Variants in PTPRD observed in about 807,000 individuals in gnomAD.
The protein encoded by PTPRD is receptor-type tyrosine-protein phosphatase delta.
Under a neutral mutation model 214.5 loss-of-function variants are expected in PTPRD, and 34 were observed. The ratio of observed to expected loss-of-function variants is 0.16; its 90% CI spans 0.12 to 0.21. The LOEUF (loss-of-function observed/expected upper bound fraction) is 0.21, where lower values mean the gene tolerates loss of function less well. Ranked by LOEUF, PTPRD falls within the 10% of genes least tolerant of loss-of-function variation. The pLI, the probability that PTPRD is intolerant of heterozygous loss-of-function variation, is 1.00. For missense variants in PTPRD, 2,545 were observed against 2,398.7 expected (o/e 1.06, Z -1.27); for synonymous variants, 1,128 against 845.7 (o/e 1.33, Z -5.79).
chr9:9,195,086 G>GTA (rs540804635), intron 9 of PTPRD, among the ~76,000 whole-genome samples: 7,656 of 131,092 alleles, frequency 0.058, 379 homozygotes, highest in African/African-American at 0.12. Context: ...GTGTGTTTGT[G>GTA]TATATATATA....
chr9:10,358,628 T>C (rs1045111873), intron 2 of PTPRD, among the ~76,000 whole-genome samples: 2 of 151,978 alleles, frequency 1.3e-5, no homozygotes, highest in African/African-American at 4.8e-5. Flanking sequence ...AGATATCCTG[T>C]GTTTAATTTG....
At chr9:9,523,849 T>C (rs2097054571) in intron 8 of PTPRD, among the ~76,000 whole-genome samples, 1 of 152,182 alleles carries the variant, frequency 6.6e-6, no homozygotes, top group Admixed American at 6.6e-5. Flanking sequence ...TTAGCTACTT[T>C]TGCCGGCCCA....
At chr9:9,403,194 G>C (rs138329480) in intron 8 of PTPRD, among the ~76,000 whole-genome samples, 1 of 146,602 alleles carries the variant, frequency 6.8e-6, no homozygotes, top group Non-Finnish European at 1.5e-5. Context: ...GGGTGGCTGA[G>C]GCAGGAGAAT....
chr9:8,879,838 C>T (rs946130792), intron 11 of PTPRD, among the ~76,000 whole-genome samples: 2 of 152,104 alleles, frequency 1.3e-5, no homozygotes, highest in African/African-American at 4.8e-5. Context: ...TCATCCATTT[C>T]CTGAGACTGC....
intron 14 of PTPRD, among the ~76,000 whole-genome samples, chr9:8,579,409 G>C (rs1335898968): frequency 6.6e-6 from 1 of 152,164 alleles, no homozygotes; most frequent in Non-Finnish European, 1.5e-5. Flanking sequence ...ATCCTTATTA[G>C]TTTTAAATAC....
At chr9:9,171,631 T>C (rs2099918666) in intron 10 of PTPRD, among the ~76,000 whole-genome samples, 1 of 151,840 alleles carries the variant, frequency 6.6e-6, no homozygotes, top group African/African-American at 2.4e-5. Flanking sequence ...TAGAATTCTA[T>C]GGGCGTATTT....
At chr9:9,500,869 C>A (rs1245623143) in intron 8 of PTPRD, among the ~76,000 whole-genome samples, 4 of 151,872 alleles carry the variant, frequency 2.6e-5, no homozygotes, top group African/African-American at 9.7e-5. Flanking sequence ...ACGGATGATT[C>A]TAAATGGACT....
intron 11 of PTPRD, among the ~76,000 whole-genome samples, chr9:8,983,219 T>C (rs1266010416): frequency 6.6e-6 from 1 of 152,028 alleles, no homozygotes; most frequent in Non-Finnish European, 1.5e-5. Flanking sequence ...GTGAATGAAA[T>C]CAACCTTCTT....
intron 21 of PTPRD, among the ~76,000 whole-genome samples, chr9:8,509,841 G>T (rs921142998): frequency 3.3e-5 from 5 of 152,120 alleles, no homozygotes; most frequent in Non-Finnish European, 7.4e-5. Flanking sequence ...AGAGTACACT[G>T]TCCTTTTTAT....
intron 34 of PTPRD, among the ~76,000 whole-genome samples, chr9:8,438,527 G>C (rs986560970): frequency 3.4e-4 from 52 of 152,164 alleles, no homozygotes; most frequent in Non-Finnish European, 1.6e-4. Flanking sequence ...AAGTGTGAGG[G>C]TGACAGTGAT....
chr9:9,708,119 T>C (rs969514786), intron 7 of PTPRD, among the ~76,000 whole-genome samples: 7 of 152,080 alleles, frequency 4.6e-5, no homozygotes, highest in Admixed American at 6.6e-5. Flanking sequence ...GATTACTACG[T>C]TGATTTAGTT....
intron 11 of PTPRD, among the ~76,000 whole-genome samples, chr9:8,785,453 T>C (rs1348119988): frequency 6.6e-6 from 1 of 152,152 alleles, no homozygotes; most frequent in Non-Finnish European, 1.5e-5. Context: ...CAATACAAAA[T>C]CCTGAATATC....
chr9:9,846,237 A>G (rs1172931385), intron 5 of PTPRD, among the ~76,000 whole-genome samples: 2 of 152,094 alleles, frequency 1.3e-5, no homozygotes, highest in African/African-American at 4.8e-5. Context: ...ACCTGTGCAT[A>G]AAGCACTGCA....
chr9:9,601,843 A>C (rs1351112338), intron 7 of PTPRD, among the ~76,000 whole-genome samples: 1 of 152,088 alleles, frequency 6.6e-6, no homozygotes, highest in Admixed American at 6.6e-5. Context: ...GATGGTGAGA[A>C]GTCTATGAAA....
chr9:10,162,544 G>T (rs181636191), intron 3 of PTPRD, among the ~76,000 whole-genome samples: 2 of 150,540 alleles, frequency 1.3e-5, no homozygotes, highest in East Asian at 3.9e-4. Context: ...AGGCCAGAAA[G>T]GGTAGAGAGT....
intron 8 of PTPRD, among the ~76,000 whole-genome samples, chr9:9,541,081 A>G (rs1311487166): frequency 6.6e-6 from 1 of 151,866 alleles, no homozygotes; most frequent in Non-Finnish European, 1.5e-5. Context: ...GCTGAGTGAC[A>G]GGAAGAGGAG....
chr9:10,273,938 T>G (rs976721315), intron 3 of PTPRD, among the ~76,000 whole-genome samples: 1 of 151,832 alleles, frequency 6.6e-6, no homozygotes, highest in African/African-American at 2.4e-5. Context: ...GCTAACTCAG[T>G]GTAACAATAG....
intron 8 of PTPRD, among the ~76,000 whole-genome samples, chr9:9,495,757 A>G (rs2096152084): frequency 6.6e-6 from 1 of 152,196 alleles, no homozygotes; most frequent in Non-Finnish European, 1.5e-5. Context: ...ACAAGAGCTC[A>G]GGACCCATTG....
intron 5 of PTPRD, among the ~76,000 whole-genome samples, chr9:9,853,227 A>G (rs913108390): frequency 5.3e-5 from 8 of 152,230 alleles, no homozygotes; most frequent in Admixed American, 4.6e-4. Context: ...CTATGGTTAT[A>G]AGCAGCATAG....
Sources: allele counts gnomAD v4.1 joint callset (sites outside exome capture counted in the v4.1 genomes callset), GRCh38; gene constraint gnomAD v4.1.1; transcripts MANE v1.5; gene names NCBI Gene and HGNC (gene_info 2026-07-23, HGNC 2026-07-21).